SH3RF2: variants seen among roughly 807,000 people sequenced by gnomAD.
The protein encoded by SH3RF2 is SH3 domain containing ring finger 2, also known as E3 ubiquitin-protein ligase SH3RF2.
SH3RF2 carries 43 observed loss-of-function variants against 59.0 expected under a neutral mutation model. That is an observed-to-expected ratio of 0.73 (90% CI 0.57 to 0.94). The LOEUF (loss-of-function observed/expected upper bound fraction) is 0.94. Ranked by LOEUF, SH3RF2 falls within the 40% of genes least tolerant of loss-of-function variation. The pLI is 0.00. For synonymous variants in SH3RF2, 391 were observed against 391.5 expected, an observed-to-expected ratio of 1.00 and a Z score of 0.01; for missense variants, 930 against 940.1, an observed-to-expected ratio of 0.99 and a Z score of 0.14.
intron 2 of SH3RF2, among the ~76,000 whole-genome samples, chr5:145,964,708 C>T: frequency 6.6e-6 from 1 of 152,136 alleles, no homozygotes; most frequent in Non-Finnish European, 1.5e-5. Flanking sequence ...GGTGAGCAGG[C>T]TGTAGAGATT....
intron 8 of SH3RF2, 70 bp from the exon 9 acceptor site, chr5:146,059,796 C>T: frequency 8.7e-7 from 1 of 1,154,648 alleles, no homozygotes; most frequent in South Asian, 2.4e-5. Context: ...GGAAGCACTG[C>T]TTACCCAGCC....
Position 146,020,318 on chromosome 5 carries a change from GGT to G in SH3RF2, c.1059+6266_1059+6267del, listed in dbSNP as rs1169843171. On this transcript the variant is annotated intron_variant, in intron 5 of 9. Transcript: ENST00000359120. ...CACACGTGCATACACATAAAAGTAC[GGT>G]GTGTGTGTACATTCCTATATGCACA... 1.1e-4 allele frequency among the ~76,000 whole-genome samples: 17 copies of G among 151,964 alleles called. 3 individuals carry two copies. Among genetic ancestry groups the G allele is most frequent in the African/African-American group, 4.1e-4 (17 of 41,466 alleles).
At chr5:145,965,519 A>G (rs978812401) in intron 2 of SH3RF2, among the ~76,000 whole-genome samples, 7 of 151,986 alleles carry the variant, frequency 4.6e-5, no homozygotes, top group African/African-American at 7.3e-5. Flanking sequence ...ACTAAGAGGG[A>G]AAAAAAAGTT....
intron 3 of SH3RF2, among the ~76,000 whole-genome samples, chr5:146,002,520 G>A (rs926028509): frequency 6.7e-6 from 1 of 148,990 alleles, no homozygotes; most frequent in African/African-American, 2.5e-5. Context: ...AAGGAAGGAA[G>A]GAAGGAAGGA....
intron 8 of SH3RF2, among the ~76,000 whole-genome samples, chr5:146,059,221 C>T (rs1186417518): frequency 6.6e-6 from 1 of 152,214 alleles, no homozygotes; most frequent in Non-Finnish European, 1.5e-5. Flanking sequence ...ACAGCCCTAA[C>T]TGTGGAATAA....
intron 2 of SH3RF2, chr5:145,998,008 C>A: frequency 4.2e-6 from 3 of 710,950 alleles, no homozygotes; most frequent in Admixed American, 2.3e-5. Flanking sequence ...AGCACTGGAA[C>A]CTGAAGCAGA....
intron 2 of SH3RF2, among the ~76,000 whole-genome samples, chr5:145,964,388 C>A (rs1167711099): frequency 6.6e-6 from 1 of 150,772 alleles, no homozygotes; most frequent in Non-Finnish European, 1.5e-5. Flanking sequence ...CTCGCTGCAA[C>A]CTCCACCTCC....
chr5:146,020,192 G>T (rs544064445), intron 5 of SH3RF2, among the ~76,000 whole-genome samples: 11 of 152,180 alleles, frequency 7.2e-5, no homozygotes, highest in Non-Finnish European at 1.3e-4. Context: ...CTTGAGGGCA[G>T]ACCTGTGCTC....
At position 146,001,773 on chromosome 5, in the gene SH3RF2, G is replaced by C. The variant is rs115832968; in HGVS notation, c.648+1446G>C. ...ATGAGTCATTGTTCTTACCTACACTGAGCTGGCAATCTAGTGGAAGAAACA... is the reference window on the plus strand; with the variant it reads ...ATGAGTCATTGTTCTTACCTACACTCAGCTGGCAATCTAGTGGAAGAAACA... On this transcript the variant is annotated intron_variant, in intron 3 of 9. Transcript: ENST00000359120. Among the ~76,000 whole-genome samples, 364 of 152,284 alleles carry C rather than the reference G, an allele frequency of 2.4e-3. 3 individuals carry two copies. Among genetic ancestry groups the C allele is most frequent in the African/African-American group, 8.5e-3 (353 of 41,536 alleles).
At chr5:145,986,990 T>C (rs930245661) in intron 2 of SH3RF2, among the ~76,000 whole-genome samples, 3 of 151,994 alleles carry the variant, frequency 2.0e-5, no homozygotes, top group Non-Finnish European at 4.4e-5. Flanking sequence ...AATATTGGCT[T>C]GAAGAAGGAA....
intron 2 of SH3RF2, among the ~76,000 whole-genome samples, chr5:145,984,981 C>A (rs1344730164): frequency 6.6e-6 from 1 of 152,110 alleles, no homozygotes. Flanking sequence ...CATAGCAAGA[C>A]CCAGTCTCTC....
chr5:146,008,982 A>C (rs1322310697), intron 4 of SH3RF2, among the ~76,000 whole-genome samples: 1 of 152,218 alleles, frequency 6.6e-6, no homozygotes, highest in East Asian at 1.9e-4. Context: ...TTTGATGCAG[A>C]GTAGTATTCC....
At chr5:146,053,520 A>G (rs1366621047) in intron 7 of SH3RF2, among the ~76,000 whole-genome samples, 1 of 152,000 alleles carries the variant, frequency 6.6e-6, no homozygotes, top group Non-Finnish European at 1.5e-5. Flanking sequence ...CTCAGCCAAT[A>G]TGACATTCCC....
intron 9 of SH3RF2, among the ~76,000 whole-genome samples, chr5:146,074,773 CCT>C (rs35758284): frequency 2.0e-3 from 299 of 147,766 alleles, no homozygotes; most frequent in Middle Eastern, 7.1e-3. Flanking sequence ...AGCCCTCTGC[CCT>C]CTCTCTCTCT....
At chr5:145,941,610 A>T (rs1327176582) in intron 2 of SH3RF2, among the ~76,000 whole-genome samples, 2 of 152,198 alleles carry the variant, frequency 1.3e-5, no homozygotes, top group Non-Finnish European at 2.9e-5. Context: ...ATTCTGCTAC[A>T]CTTTAGTAAT....
At position 146,063,041 on chromosome 5, in the gene SH3RF2, C is replaced by CT. The variant is rs1302193863; in HGVS notation, c.*341dup. On this transcript the variant is annotated 3_prime_UTR_variant, in exon 10 of 10. Coordinates refer to ENST00000359120, the MANE Select transcript of SH3RF2 (RefSeq NM_152550.4). ...TACTGTGTAGAATTTCTATGGTGTCCTAAAGGGGGCTGCAGCAGGGGTGTG... is the reference window on the plus strand; with the variant it reads ...TACTGTGTAGAATTTCTATGGTGTCCTTAAAGGGGGCTGCAGCAGGGGTGTG... 7.2e-6 allele frequency: 2 copies of CT among 278,982 alleles called. No homozygotes were observed. The highest frequency in any genetic ancestry group is 4.4e-5 in the African/African-American group (2 of 45,490). 17.3% of individuals were successfully genotyped at this position (278,982 alleles called of 1,614,324 possible). A position where few individuals can be genotyped will look rare whatever the true frequency, so the allele number is the denominator to read the frequency against.
intron 5 of SH3RF2, among the ~76,000 whole-genome samples, chr5:146,041,475 G>C (rs992246124): frequency 6.6e-6 from 1 of 152,190 alleles, no homozygotes; most frequent in African/African-American, 2.4e-5. Context: ...CGGTGCCTAG[G>C]ACCCAATAAG....
intron 2 of SH3RF2, among the ~76,000 whole-genome samples, chr5:145,977,630 C>G (rs1277258924): frequency 6.6e-6 from 1 of 152,180 alleles, no homozygotes; most frequent in Non-Finnish European, 1.5e-5. Flanking sequence ...GGGGGTCTTA[C>G]AGTATCCCCA....
intron 5 of SH3RF2, among the ~76,000 whole-genome samples, chr5:146,024,953 T>G (rs929378122): frequency 6.6e-6 from 1 of 152,220 alleles, no homozygotes; most frequent in Non-Finnish European, 1.5e-5. Context: ...CTCCATCCAT[T>G]AAATGGGTCC....
Sources: allele counts gnomAD v4.1 joint callset (sites outside exome capture counted in the v4.1 genomes callset), GRCh38; gene constraint gnomAD v4.1.1; transcripts MANE v1.5; gene names NCBI Gene and HGNC (gene_info 2026-07-23, HGNC 2026-07-21).